BCKDHB: variants seen among roughly 807,000 people sequenced by gnomAD.
BCKDHB encodes branched chain keto acid dehydrogenase E1 subunit beta, also known as 2-oxoisovalerate dehydrogenase subunit beta, mitochondrial.
A neutral mutation model predicts 48.5 loss-of-function variants in BCKDHB; 41 were observed. The observed-to-expected ratio is 0.85, with a 90% confidence interval of 0.66 to 1.10. BCKDHB has a LOEUF of 1.10. Ranked by LOEUF, BCKDHB falls within the 50% of genes least tolerant of loss-of-function variation. The pLI is 0.00. For synonymous variants in BCKDHB, 201 were observed against 174.8 expected, an observed-to-expected ratio of 1.15 and a Z score of -1.18; for missense variants, 496 against 494.2, an observed-to-expected ratio of 1.00 and a Z score of -0.03.
At chr6:80,416,786 TTTA>T in the BCKDHB span, among the ~76,000 whole-genome samples, 3 of 151,316 alleles carry the variant, frequency 2.0e-5, no homozygotes, top group African/African-American at 4.8e-5. Context: ...TTTTTTTAAT[TTTA>T]TTATTATTAT....
intron 8 of BCKDHB, among the ~76,000 whole-genome samples, chr6:80,256,701 C>T (rs1777067109): frequency 6.6e-6 from 1 of 152,162 alleles, no homozygotes; most frequent in South Asian, 2.1e-4. Flanking sequence ...CATAGCACTT[C>T]TCTCTGTGCT....
intron 9 of BCKDHB, among the ~76,000 whole-genome samples, chr6:80,277,320 G>A (rs1778005684): frequency 6.6e-6 from 1 of 151,864 alleles, no homozygotes; most frequent in Non-Finnish European, 1.5e-5. Flanking sequence ...AAAGCCTTTA[G>A]TGTGTAAAAG....
Position 80,323,973 on chromosome 6 carries a change from C to T in BCKDHB, c.1039-19691C>T, listed in dbSNP as rs139610244. Among the ~76,000 whole-genome samples the T allele has an allele frequency of 6.8e-4, 104 of 152,222 alleles. No individual in the cohort carries two copies. In the East Asian group the frequency reaches 0.018, roughly 26 times the overall value. ...ATTTTTAGTAGAGACGGGGTTTCAC[C>T]GTGTTAGCCAGGGTGGTCTCGATCT... On this transcript the variant is annotated intron_variant, in intron 9 of 9. Transcript: ENST00000320393.
chr6:80,157,836 T>C (rs985125500), intron 3 of BCKDHB, among the ~76,000 whole-genome samples: 1 of 152,106 alleles, frequency 6.6e-6, no homozygotes, highest in African/African-American at 2.4e-5. Flanking sequence ...ATTTTCTAAT[T>C]GTTTAAATGA....
the BCKDHB span, among the ~76,000 whole-genome samples, chr6:80,431,751 C>G: frequency 6.6e-6 from 1 of 152,176 alleles, no homozygotes; most frequent in African/African-American, 2.4e-5. Context: ...ATACAGCACA[C>G]TGATGGGTCT....
At chr6:80,145,458 G>A (rs1357667381) in intron 3 of BCKDHB, among the ~76,000 whole-genome samples, 4 of 152,134 alleles carry the variant, frequency 2.6e-5, no homozygotes, top group African/African-American at 9.7e-5. Flanking sequence ...AAAACAATGG[G>A]CTTGCTATGA....
At chr6:80,128,359 G>A (rs1286245065) in intron 2 of BCKDHB, among the ~76,000 whole-genome samples, 1 of 152,090 alleles carries the variant, frequency 6.6e-6, no homozygotes, top group African/African-American at 2.4e-5. Context: ...ACTTGCGGAT[G>A]ATTGAACTAG....
chr6:80,342,194 G>T (rs1306289706), intron 9 of BCKDHB, among the ~76,000 whole-genome samples: 1 of 151,882 alleles, frequency 6.6e-6, no homozygotes, highest in Non-Finnish European at 1.5e-5. Context: ...TAAAGCATGA[G>T]GTATCATGAT....
chr6:80,430,468 A>G, the BCKDHB span, among the ~76,000 whole-genome samples: 1 of 152,180 alleles, frequency 6.6e-6, no homozygotes, highest in East Asian at 1.9e-4. Flanking sequence ...CTCTGGTAGA[A>G]TTCAGCTGTG....
chr6:80,137,980 G>A (rs1366881516), intron 3 of BCKDHB, among the ~76,000 whole-genome samples: 2 of 152,038 alleles, frequency 1.3e-5, no homozygotes, highest in African/African-American at 4.8e-5. Flanking sequence ...TAGTCCACCT[G>A]CTTTGGAGGC....
At chr6:80,418,705 GT>G in the BCKDHB span, among the ~76,000 whole-genome samples, 1 of 152,156 alleles carries the variant, frequency 6.6e-6, no homozygotes, top group East Asian at 1.9e-4. Flanking sequence ...TCACTACACT[GT>G]GATAGGTGGT....
chr6:80,187,743 T>TTG (rs1312106018), intron 6 of BCKDHB, among the ~76,000 whole-genome samples: 1 of 152,004 alleles, frequency 6.6e-6, no homozygotes, highest in Non-Finnish European at 1.5e-5. Context: ...ACATCACCCA[T>TTG]CATTAGAGAA....
chr6:80,452,365 G>A, the BCKDHB span, among the ~76,000 whole-genome samples: 6 of 152,160 alleles, frequency 3.9e-5, no homozygotes, highest in African/African-American at 9.7e-5. Context: ...AAGCTATCAC[G>A]ATTGCCATTA....
intron 9 of BCKDHB, among the ~76,000 whole-genome samples, chr6:80,287,143 T>G (rs1271932053): frequency 6.6e-6 from 1 of 152,160 alleles, no homozygotes; most frequent in African/African-American, 2.4e-5. Flanking sequence ...AATTCTTATT[T>G]ACTTGCCTAA....
chr6:80,375,564 T>C, the BCKDHB span, among the ~76,000 whole-genome samples: 1 of 145,684 alleles, frequency 6.9e-6, no homozygotes, highest in East Asian at 1.9e-4. Flanking sequence ...TCCTGTATCA[T>C]TTTTTTTTTT....
At chr6:80,396,438 G>T in the BCKDHB span, among the ~76,000 whole-genome samples, 1 of 152,214 alleles carries the variant, frequency 6.6e-6, no homozygotes, top group African/African-American at 2.4e-5. Flanking sequence ...CTTTGGACTT[G>T]GACTTTTGGG....
intron 6 of BCKDHB, among the ~76,000 whole-genome samples, chr6:80,194,754 A>G (rs1399100893): frequency 1.3e-5 from 2 of 152,166 alleles, no homozygotes; most frequent in Non-Finnish European, 2.9e-5. Flanking sequence ...TATGTACCCC[A>G]CTGCTAAGAA....
the BCKDHB span, among the ~76,000 whole-genome samples, chr6:80,403,862 G>T: frequency 6.6e-5 from 10 of 151,720 alleles, no homozygotes; most frequent in Non-Finnish European, 1.3e-4. Context: ...TCATTCTGTT[G>T]TTGCAGTCTA....
At chr6:80,181,825 C>T (rs1773424971) in intron 6 of BCKDHB, among the ~76,000 whole-genome samples, 1 of 152,080 alleles carries the variant, frequency 6.6e-6, no homozygotes, top group African/African-American at 2.4e-5. Flanking sequence ...GAAAAGATGC[C>T]TACTCATATT....
Sources: allele counts gnomAD v4.1 joint callset (sites outside exome capture counted in the v4.1 genomes callset), GRCh38; gene constraint gnomAD v4.1.1; transcripts MANE v1.5; gene names NCBI Gene and HGNC (gene_info 2026-07-23, HGNC 2026-07-21).